Variants in PLXNA2 observed in about 807,000 individuals in gnomAD.
PLXNA2 encodes plexin-A2.
PLXNA2 carries 91 observed loss-of-function variants against 193.5 expected under a neutral mutation model. That is an observed-to-expected ratio of 0.47 (90% CI 0.40 to 0.56). The LOEUF is 0.56. Ranked by LOEUF, PLXNA2 falls within the 20% of genes least tolerant of loss-of-function variation. The pLI is 0.00. For missense variants in PLXNA2, 1,995 were observed against 2,503.2 expected (o/e 0.80, Z 4.33); for synonymous variants, 997 against 1,027.3 (o/e 0.97, Z 0.56).
At chr1:208,180,495 C>A (rs928997869) in intron 3 of PLXNA2, among the ~76,000 whole-genome samples, 3 of 152,108 alleles carry the variant, frequency 2.0e-5, no homozygotes, top group Non-Finnish European at 2.9e-5. Flanking sequence ...TAAAGAGCCA[C>A]CAAGAGAGAA....
At chr1:208,053,082 T>C (rs1665316483) in intron 14 of PLXNA2, among the ~76,000 whole-genome samples, 1 of 152,190 alleles carries the variant, frequency 6.6e-6, no homozygotes, top group South Asian at 2.1e-4. Flanking sequence ...GCCTGAAGCT[T>C]AAAAGAATTG....
intron 3 of PLXNA2, among the ~76,000 whole-genome samples, chr1:208,151,087 A>G (rs1444938307): frequency 6.6e-6 from 1 of 152,236 alleles, no homozygotes; most frequent in African/African-American, 2.4e-5. Context: ...TCTGGGAAAC[A>G]ATAAGATAAA....
chr1:208,037,224 T>C (rs535857316), intron 26 of PLXNA2, among the ~76,000 whole-genome samples: 2 of 152,312 alleles, frequency 1.3e-5, no homozygotes, highest in African/African-American at 4.8e-5. Flanking sequence ...AGGGCTTGAA[T>C]ACAGCTTCTA....
chr1:208,058,391 C>T (rs1022505818), intron 13 of PLXNA2, among the ~76,000 whole-genome samples: 3 of 152,208 alleles, frequency 2.0e-5, no homozygotes, highest in Non-Finnish European at 4.4e-5. Flanking sequence ...ATAGATGGCG[C>T]AGCACAAGCA....
intron 3 of PLXNA2, among the ~76,000 whole-genome samples, chr1:208,181,589 G>GT (rs1397093541): frequency 6.6e-6 from 1 of 152,182 alleles, no homozygotes; most frequent in African/African-American, 2.4e-5. Context: ...CCTAGAGAGG[G>GT]TTAGACAGCC....
intron 3 of PLXNA2, among the ~76,000 whole-genome samples, chr1:208,157,703 C>G (rs143879053): frequency 1.4e-3 from 207 of 152,272 alleles, no homozygotes; most frequent in African/African-American, 4.7e-3. Flanking sequence ...GTTCCGGGTT[C>G]AAGTTCTGGG....
chr1:208,028,621 A>G lies in PLXNA2; in HGVS notation c.5438+209T>C, dbSNP rs1664408583. 6.6e-6 allele frequency among the ~76,000 whole-genome samples: 1 copy of G among 152,220 alleles called. No homozygotes were observed. The highest frequency in any genetic ancestry group is 2.4e-5 in the African/African-American group (1 of 41,454). On this transcript the variant is annotated intron_variant, in intron 30 of 31. Coordinates refer to ENST00000367033, the MANE Select transcript of PLXNA2 (RefSeq NM_025179.4). The surrounding 1 kb of genome is among the most constrained non-coding windows in gnomAD (Gnocchi z 4.2). Reference sequence around the variant, plus strand: ...AATGCTGAATGCTTAGCACATGCTCAATGAATAGTAATTAGGATGATAATC... The same window carrying G: ...AATGCTGAATGCTTAGCACATGCTCGATGAATAGTAATTAGGATGATAATC...
At chr1:208,174,061 T>A (rs942000703) in intron 3 of PLXNA2, among the ~76,000 whole-genome samples, 3 of 152,204 alleles carry the variant, frequency 2.0e-5, no homozygotes, top group African/African-American at 7.2e-5. Flanking sequence ...ATATGTGGGT[T>A]TTCTCCCTTG....
At chr1:208,237,876 T>C (rs192567362) in intron 1 of PLXNA2, among the ~76,000 whole-genome samples, 6 of 152,338 alleles carry the variant, frequency 3.9e-5, no homozygotes, top group East Asian at 1.9e-4. Flanking sequence ...TAAGATCTAT[T>C]ACTTTTTCAT....
At chr1:208,098,057 G>A (rs923708806) in intron 6 of PLXNA2, among the ~76,000 whole-genome samples, 1 of 152,026 alleles carries the variant, frequency 6.6e-6, no homozygotes, top group East Asian at 1.9e-4. Flanking sequence ...ATTTGCAGTG[G>A]GTTTCTCAGT....
In PLXNA2 at chr1:208,072,385, C is replaced by A. The variant is rs772437636; in HGVS notation, c.2586+6875G>T. Among the ~76,000 whole-genome samples, 33 of 152,300 alleles carry A rather than the reference C, an allele frequency of 2.2e-4. 1 individual carries two copies. Among genetic ancestry groups the A allele is most frequent in the Non-Finnish European group, 3.2e-4 (22 of 68,020 alleles). ...AACACACAGTCATGTTCTTTCACAT[C>A]TTAAGGGTGGTGGGTTCCTGGTCAC... On this transcript the variant is annotated intron_variant, in intron 12 of 31. Coordinates refer to ENST00000367033, the MANE Select transcript of PLXNA2 (RefSeq NM_025179.4).
chr1:208,150,473 G>A (rs1266381298), intron 3 of PLXNA2, among the ~76,000 whole-genome samples: 1 of 152,124 alleles, frequency 6.6e-6, no homozygotes, highest in Non-Finnish European at 1.5e-5. Flanking sequence ...CTTGTTCTCT[G>A]GACTTTTGCA....
chr1:208,169,116 C>G (rs747178524), intron 3 of PLXNA2, among the ~76,000 whole-genome samples: 2 of 152,052 alleles, frequency 1.3e-5, no homozygotes, highest in Non-Finnish European at 2.9e-5. Context: ...AGTTATTGAA[C>G]ATGGAACAGC....
At chr1:208,174,748 C>T (rs1669609037) in intron 3 of PLXNA2, among the ~76,000 whole-genome samples, 1 of 152,204 alleles carries the variant, frequency 6.6e-6, no homozygotes, top group African/African-American at 2.4e-5. Flanking sequence ...CCACAATGCA[C>T]TCCCTGCTCC....
chr1:208,191,245 G>A (rs1670171971), intron 3 of PLXNA2, among the ~76,000 whole-genome samples: 1 of 152,186 alleles, frequency 6.6e-6, no homozygotes, highest in Non-Finnish European at 1.5e-5. Context: ...ATCTGCAAGC[G>A]CCTTTGACTC....
intron 3 of PLXNA2, among the ~76,000 whole-genome samples, chr1:208,194,528 C>T (rs1183242448): frequency 1.3e-5 from 2 of 151,024 alleles, no homozygotes; most frequent in African/African-American, 2.4e-5. Flanking sequence ...CCATCTCCAG[C>T]AGTCTGATGT....
chr1:208,185,014 A>C (rs1075848), intron 3 of PLXNA2, among the ~76,000 whole-genome samples: 1 of 151,974 alleles, frequency 6.6e-6, no homozygotes, highest in Non-Finnish European at 1.5e-5. Flanking sequence ...GGCATGGAGC[A>C]CTCAGCCCTC....
chr1:208,209,983 A>AATTTTTTTATTTTTTTTTTTTT (rs34413554), intron 3 of PLXNA2: 1 of 87,322 alleles, frequency 1.1e-5, no homozygotes, highest in African/African-American at 4.8e-5. Flanking sequence ...ATGAAGAGCA[A>AATTTTTTTATTTTTTTTTTTTT]TTTTTTTTTT....
chr1:208,199,417 G>A (rs1670465198), intron 3 of PLXNA2, among the ~76,000 whole-genome samples: 2 of 152,346 alleles, frequency 1.3e-5, no homozygotes, highest in African/African-American at 4.8e-5. Flanking sequence ...TTTAGGCCGG[G>A]CGCAGTGGCT....
Sources: allele counts gnomAD v4.1 joint callset (sites outside exome capture counted in the v4.1 genomes callset), GRCh38; gene constraint gnomAD v4.1.1; non-coding constraint Gnocchi (gnomAD v3.1); transcripts MANE v1.5; gene names NCBI Gene and HGNC (gene_info 2026-07-23, HGNC 2026-07-21).